EPAS1: variants seen among roughly 807,000 people sequenced by gnomAD.
The protein encoded by EPAS1 is endothelial PAS domain protein 1.
A neutral mutation model predicts 87.9 loss-of-function variants in EPAS1; 23 were observed. The ratio of observed to expected loss-of-function variants is 0.26; its 90% confidence interval spans 0.19 to 0.37. EPAS1 has a LOEUF of 0.37. EPAS1 is among the 10% of genes least tolerant of loss of function. EPAS1 has a pLI of 1.00. For missense variants in EPAS1, 1,138 were observed against 1,120.7 expected, an observed-to-expected ratio of 1.02 and a Z score of -0.22; for synonymous variants, 508 against 444.3, an observed-to-expected ratio of 1.14 and a Z score of -1.80.
chr2:46,383,713 C>T (rs374476520), intron 15 of EPAS1, among the ~76,000 whole-genome samples: 16 of 152,288 alleles, frequency 1.1e-4, no homozygotes, highest in East Asian at 7.7e-4. Context: ...AGAGTTGAAT[C>T]ATATCAAACT....
At position 46,384,923 on chromosome 2, in the gene EPAS1, A is replaced by T. The variant is rs1192973878; in HGVS notation, c.*263A>T. On this transcript the variant is annotated 3_prime_UTR_variant, in exon 16 of 16. Transcript: ENST00000263734. ...AGGATTTTTTTCCTCCCCACCTTCA[A>T]TGACTTCTAATTTATATTATCCATA... is the stretch of plus-strand genomic sequence containing the variant. The T allele has an allele frequency of 6.0e-6, 3 of 500,326 alleles. No individual in the cohort carries two copies. Among genetic ancestry groups the T allele is most frequent in the Non-Finnish European group, 1.1e-5 (3 of 274,670 alleles). 31.0% of individuals were successfully genotyped at this position (500,326 alleles called of 1,614,324 possible).
Position 46,381,584 on chromosome 2 carries a change from C to T in EPAS1, c.2046-12C>T, listed in dbSNP as rs1406712684. ...CAGACTCCCTCATAGCCTGCTCTCTCGGGCTTGGCAGGTCTGCAAAGGGTT... is the reference window on the plus strand; with the variant it reads ...CAGACTCCCTCATAGCCTGCTCTCTTGGGCTTGGCAGGTCTGCAAAGGGTT... On this transcript the variant is annotated splice_polypyrimidine_tract_variant and intron_variant, in intron 12 of 15. Coordinates refer to ENST00000263734, the MANE Select transcript of EPAS1 (RefSeq NM_001430.5). 10 of 1,613,984 alleles carry T rather than the reference C, an allele frequency of 6.2e-6. No individual in the cohort carries two copies. The East Asian group carries it at 6.7e-5, about 11-fold the overall frequency.
intron 1 of EPAS1, among the ~76,000 whole-genome samples, chr2:46,301,929 T>C (rs565523279): frequency 2.6e-5 from 4 of 152,118 alleles, no homozygotes; most frequent in South Asian, 4.1e-4. Context: ...AATCTACTTA[T>C]ATAGGTAGAC....
intron 1 of EPAS1, among the ~76,000 whole-genome samples, chr2:46,303,569 A>G (rs570286317): frequency 5.3e-4 from 81 of 152,338 alleles, no homozygotes; most frequent in African/African-American, 1.8e-3. Flanking sequence ...CAGTGGAGAC[A>G]GCTATGACTC....
At chr2:46,334,909 G>T (rs1366162300) in intron 1 of EPAS1, among the ~76,000 whole-genome samples, 1 of 152,176 alleles carries the variant, frequency 6.6e-6, no homozygotes, top group African/African-American at 2.4e-5. Context: ...AGAATTGGGG[G>T]AAAGCAAGTG....
At chr2:46,366,610 C>T (rs1042166957) in intron 6 of EPAS1, among the ~76,000 whole-genome samples, 1 of 152,200 alleles carries the variant, frequency 6.6e-6, no homozygotes, top group African/African-American at 2.4e-5. Flanking sequence ...AGTCCTTGTA[C>T]ATTTCTCTCT....
intron 2 of EPAS1, among the ~76,000 whole-genome samples, chr2:46,349,469 C>T (rs1684103213): frequency 1.3e-5 from 2 of 152,246 alleles, no homozygotes; most frequent in East Asian, 3.8e-4. Flanking sequence ...CATCCCATAT[C>T]TATCCCATCT....
At chr2:46,384,380 A>T in intron 15 of EPAS1, 129 bp from the exon 16 acceptor site, 4 of 1,330,580 alleles carry the variant, frequency 3.0e-6, no homozygotes, top group Non-Finnish European at 4.3e-6. Flanking sequence ...AGGCCGTGGG[A>T]CAGACACCAC....
chr2:46,375,617 T>C lies in EPAS1; in HGVS notation c.887-73T>C, dbSNP rs111580325. ...CCCTGCAGATTAGACTGCCCTCCCA[T>C]GCGATCTGCTGAGCCTGTGGTGCAC... On this transcript the variant is annotated intron_variant, in intron 7 of 15. Transcript: ENST00000263734. This position sits in a 1 kb window ranked among gnomAD's most constrained non-coding sequence, Gnocchi z 4.1. 6.4e-7 allele frequency: 1 copy of C among 1,554,192 alleles called. No individual in the cohort carries two copies. The highest frequency in any genetic ancestry group is 1.2e-5 in the South Asian group (1 of 85,422).
Position 46,382,034 on chromosome 2 carries a change from G to C in EPAS1, c.2232G>C (p.Arg744Ser). The change falls in exon 14 of 16, where the codon AGG becomes AGC. Residue 744 changes from arginine to serine, a missense_variant. By Grantham distance (110) the Arg-to-Ser change is moderately radical (BLOSUM62 -1). Around this residue, in one of 4 missense-constraint regions of EPAS1, gnomAD observed 502 missense variants for 427.1 expected, o/e 1.18. Transcript: ENST00000263734. ...HLMWKRMKNL[R>S]GGSCPLMPDK... Reference sequence around the variant, plus strand: ...TGTGGAAACGGATGAAGAACCTCAGGGGTGGGAGCTGCCCTTTGATGCCGG... The same window carrying C: ...TGTGGAAACGGATGAAGAACCTCAGCGGTGGGAGCTGCCCTTTGATGCCGG... 1 of 1,614,094 alleles carries C rather than the reference G, an allele frequency of 6.2e-7. No homozygotes were observed. Among genetic ancestry groups the C allele is most frequent in the East Asian group, 2.2e-5 (1 of 44,872 alleles).
intron 1 of EPAS1, among the ~76,000 whole-genome samples, chr2:46,345,904 A>T (rs1211607850): frequency 6.6e-6 from 1 of 152,216 alleles, no homozygotes; most frequent in Non-Finnish European, 1.5e-5. Flanking sequence ...GATTTTACAT[A>T]AATTATCACA....
intron 6 of EPAS1, 115 bp from the exon 7 acceptor site, chr2:46,369,712 T>C (rs1049971750): frequency 1.4e-6 from 1 of 735,276 alleles, no homozygotes; most frequent in Non-Finnish European, 2.5e-6. Flanking sequence ...AAGTCTGGAT[T>C]GTGTTCATCT....
chr2:46,376,712 T>G lies in EPAS1; in HGVS notation c.1208T>G (p.Leu403Arg). ...LKEEPEELAQ[L>R]APTPGDAIIS... ...GAGGAGCCCGAGGAGCTGGCCCAGC[T>G]GGCTCCCACCCCAGGAGACGCCATC... Residue 403 changes from leucine to arginine, a missense_variant, in exon 9 of 16, where the codon CTG becomes CGG. Coordinates refer to ENST00000263734, the MANE Select transcript of EPAS1 (RefSeq NM_001430.5). 6.2e-7 allele frequency: 1 copy of G among 1,613,188 alleles called. No individual in the cohort carries two copies. The highest frequency in any genetic ancestry group is 8.5e-7 in the Non-Finnish European group (1 of 1,179,960).
At chr2:46,318,713 G>A (rs909470502) in intron 1 of EPAS1, among the ~76,000 whole-genome samples, 1 of 152,140 alleles carries the variant, frequency 6.6e-6, no homozygotes, top group Non-Finnish European at 1.5e-5. Context: ...ATGCCATGTT[G>A]TAGCAGAACT....
intron 1 of EPAS1, among the ~76,000 whole-genome samples, chr2:46,339,139 T>A (rs948283006): frequency 6.6e-6 from 1 of 152,256 alleles, no homozygotes; most frequent in Non-Finnish European, 1.5e-5. Flanking sequence ...CTGGCTATTA[T>A]GAATATTTTG....
At chr2:46,322,091 A>T (rs1358039118) in intron 1 of EPAS1, among the ~76,000 whole-genome samples, 1 of 152,134 alleles carries the variant, frequency 6.6e-6, no homozygotes, top group African/African-American at 2.4e-5. Context: ...GTCATCTACT[A>T]CGGAATCCTG....
chr2:46,345,249 A>G (rs528142810), intron 1 of EPAS1, among the ~76,000 whole-genome samples: 1 of 152,308 alleles, frequency 6.6e-6, no homozygotes, highest in Admixed American at 6.5e-5. Flanking sequence ...AGGTCCAAAT[A>G]CTACCATGCC....
chr2:46,321,620 G>C (rs1683455486), intron 1 of EPAS1, among the ~76,000 whole-genome samples: 1 of 151,982 alleles, frequency 6.6e-6, no homozygotes, highest in African/African-American at 2.4e-5. Flanking sequence ...TTGTGGCTTT[G>C]ATTTACATTT....
rs753347297 is a variant in EPAS1 at position 46,378,695 on chromosome 2, C to T, written c.1482C>T (p.Asn494=). The T allele has an allele frequency of 2.7e-5, 44 of 1,614,008 alleles. No individual in the cohort carries two copies. The highest frequency in any genetic ancestry group is 1.6e-4 in the Middle Eastern group (1 of 6,084). ...AAGACTATTACACATCTTTGGATAACGACCTGAAGATTGAAGTGATTGAGA... is the reference window on the plus strand; with the variant it reads ...AAGACTATTACACATCTTTGGATAATGACCTGAAGATTGAAGTGATTGAGA... ...SPEDYYTSLD[N]DLKIEVIEKL... is the part of the protein sequence containing the mutation. Residue 494 remains asparagine, a synonymous_variant, in exon 11 of 16, where the codon AAC becomes AAT. Transcript: ENST00000263734.
Sources: gnomAD v4.1 joint callset for allele counts (sites outside exome capture counted in the v4.1 genomes callset) on GRCh38, gnomAD v4.1.1 for gene constraint, gnomAD v4.1.1 regional missense constraint, Gnocchi (gnomAD v3.1) non-coding constraint, MANE v1.5 for transcripts, NCBI Gene and HGNC (gene_info 2026-07-23, HGNC 2026-07-21) for gene names.